The following MRC1 variants were observed in gnomAD, a reference collection of about 807,000 sequenced individuals.
MRC1 encodes macrophage mannose receptor 1.
Under a neutral mutation model 102.9 loss-of-function variants are expected in MRC1, and 62 were observed. That is an observed-to-expected ratio of 0.60 (90% confidence interval 0.49 to 0.74). The LOEUF (loss-of-function observed/expected upper bound fraction) is 0.74, where lower values mean the gene tolerates loss of function less well. MRC1 is among the 30% of genes least tolerant of loss of function. MRC1 has a pLI of 0.00. For synonymous variants in MRC1, 457 were observed against 298.4 expected (o/e 1.53, Z -5.48); for missense variants, 1,237 against 862.8 (o/e 1.43, Z -5.43).
At chr10:17,892,206 TC>T (rs1554843172) in intron 22 of MRC1, among the ~76,000 whole-genome samples, 1 of 152,174 alleles carries the variant, frequency 6.6e-6, no homozygotes, top group Admixed American at 6.5e-5. Flanking sequence ...GAAATTTTTC[TC>T]CAGTCTGCAC....
intron 8 of MRC1, chr10:17,854,735 C>A: frequency 4.3e-6 from 1 of 231,096 alleles, no homozygotes; most frequent in South Asian, 4.7e-5. Flanking sequence ...GCTGCCCAGG[C>A]TGGAGTGCAA....
At chr10:17,849,525 T>C (rs2130641679) in intron 6 of MRC1, 54 bp from the exon 7 acceptor site, 1 of 763,444 alleles carries the variant, frequency 1.3e-6, no homozygotes, top group Non-Finnish European at 2.4e-6. Flanking sequence ...AATATTGTTA[T>C]AGTTTTAATC....
At chr10:17,857,763 G>A (rs1286290768) in intron 9 of MRC1, among the ~76,000 whole-genome samples, 1 of 152,190 alleles carries the variant, frequency 6.6e-6, no homozygotes, top group African/African-American at 2.4e-5. Context: ...CCTGGGCTTT[G>A]GCATACAGTG....
chr10:17,906,550 G>A (rs1211857089), intron 26 of MRC1, among the ~76,000 whole-genome samples: 4 of 151,750 alleles, frequency 2.6e-5, no homozygotes, highest in South Asian at 2.1e-4. Context: ...ATAGCATATG[G>A]CACTTAATTT....
chr10:17,813,696 A>T (rs1554837613), intron 1 of MRC1, among the ~76,000 whole-genome samples: 1 of 102,668 alleles, frequency 9.7e-6, no homozygotes, highest in African/African-American at 3.7e-5. Context: ...ATATATATAT[A>T]TATATTTTTT....
At chr10:17,863,077 G>A (rs1355707149) in intron 10 of MRC1, 1 of 157,006 alleles carries the variant, frequency 6.4e-6, no homozygotes, top group East Asian at 1.9e-4. Flanking sequence ...AAATTGAGGG[G>A]GGAAATTCAT....
rs1838190800 is a variant in MRC1, at chr10:17,809,519, C to T, written c.54C>T (p.Leu18=). 1.1e-6 allele frequency: 1 copy of T among 872,698 alleles called. No homozygotes were observed. Among genetic ancestry groups the T allele is most frequent in the African/African-American group, 1.6e-5 (1 of 61,336 alleles). 54.1% of individuals were successfully genotyped at this position (872,698 alleles called of 1,614,324 possible). ...VFASVIPGAV[L]LLDTRQFLIY... ...CCTCTGTCATTCCGGGTGCTGTTCT[C>T]CTACTGGGTAAGTCTGCTCTGAGGC... The change falls in exon 1 of 30, where the codon CTC becomes CTT. Residue 18 remains leucine (L), a synonymous_variant. Coordinates refer to ENST00000569591, the MANE Select transcript of MRC1 (RefSeq NM_002438.4).
chr10:17,840,774 G>A lies in MRC1; in HGVS notation c.884G>A (p.Arg295His), dbSNP rs541361748. The change falls in exon 5 of 30, where the codon CGC becomes CAC. Residue 295 changes from arginine (R) to histidine (H), a missense_variant. Transcript: ENST00000569591. ...AACAGCGGTTGGCAGTGGAGTGACC[G>A]CAGTCCTTTCCGATATTTGAACTGG... ...SFNSGWQWSD[R>H]SPFRYLNWLP... 4.9e-4 allele frequency: 386 copies of A among 780,844 alleles called. 8 individuals are homozygous for A. Among genetic ancestry groups the A allele is most frequent in the South Asian group, 4.0e-3 (302 of 74,616 alleles). 48.4% of individuals were successfully genotyped at this position (780,844 alleles called of 1,614,324 possible).
At position 17,905,986 on chromosome 10, in the gene MRC1, G is replaced by C. The variant is rs997160378; in HGVS notation, c.3800-900G>C. 2.9e-3 allele frequency among the ~76,000 whole-genome samples: 437 copies of C among 152,270 alleles called. 4 individuals are homozygous for C. The highest frequency in any genetic ancestry group is 0.01 in the African/African-American group (416 of 41,560). ...AAAAGATATTAGTTATTATTAAAAA[G>C]CTAGAGATTTTTACTCTAAAATTTA... On this transcript the variant is annotated intron_variant, in intron 26 of 29. Transcript: ENST00000569591.
At chr10:17,881,449 G>A (rs1266072720) in intron 21 of MRC1, among the ~76,000 whole-genome samples, 2 of 152,152 alleles carry the variant, frequency 1.3e-5, no homozygotes, top group African/African-American at 4.8e-5. Flanking sequence ...ACAGCTTTGA[G>A]TGAAGGAGCT....
chr10:17,820,012 T>C (rs1838372222), intron 1 of MRC1, among the ~76,000 whole-genome samples: 3 of 152,198 alleles, frequency 2.0e-5, no homozygotes, highest in African/African-American at 7.2e-5. Flanking sequence ...TTTGGGGAAT[T>C]CCCCCTTTTT....
intron 2 of MRC1, among the ~76,000 whole-genome samples, chr10:17,825,166 T>A (rs1838454627): frequency 6.6e-6 from 1 of 152,162 alleles, no homozygotes; most frequent in Non-Finnish European, 1.5e-5. Context: ...ACATTAGAAC[T>A]GAAGACAGTG....
intron 1 of MRC1, among the ~76,000 whole-genome samples, chr10:17,820,606 G>A (rs1554838202): frequency 1.3e-5 from 2 of 152,012 alleles, no homozygotes; most frequent in African/African-American, 4.8e-5. Context: ...AAAGTATAAG[G>A]TGGAAGATAT....
chr10:17,824,330 T>C (rs1838441898), intron 2 of MRC1, among the ~76,000 whole-genome samples: 1 of 152,314 alleles, frequency 6.6e-6, no homozygotes, highest in Admixed American at 6.5e-5. Flanking sequence ...TGAAGTGTTA[T>C]CTAGAACAAC....
chr10:17,828,693 A>G (rs938663191), intron 3 of MRC1, among the ~76,000 whole-genome samples: 1 of 151,714 alleles, frequency 6.6e-6, no homozygotes, highest in Non-Finnish European at 1.5e-5. Flanking sequence ...ACAGCTAGAA[A>G]TCAATGGAAC....
intron 7 of MRC1, among the ~76,000 whole-genome samples, chr10:17,851,985 T>C (rs1326423599): frequency 6.6e-6 from 1 of 152,254 alleles, no homozygotes; most frequent in Non-Finnish European, 1.5e-5. Flanking sequence ...AATTTTATTA[T>C]ACCACTAAAT....
In MRC1 at chr10:17,886,642, T is replaced by C. The variant is rs912659037; in HGVS notation, c.3147+1207T>C. The stretch of plus-strand genomic sequence containing the variant: ...GCCTCCAACTCCTGACCTGAAGTGA[T>C]CCACCTACCTTGGCCTCCCAAAGTG... On this transcript the variant is annotated intron_variant, in intron 22 of 29. Transcript: ENST00000569591. Among the ~76,000 whole-genome samples the C allele has an allele frequency of 7.6e-3, 1,154 of 152,316 alleles. 8 individuals carry two copies. Among genetic ancestry groups the C allele is most frequent in the African/African-American group, 0.026 (1,094 of 41,568 alleles).
At chr10:17,885,535 C>A (rs1260136778) in intron 22 of MRC1, 100 bp downstream of exon 22, 2 of 735,282 alleles carry the variant, frequency 2.7e-6, no homozygotes, top group South Asian at 1.5e-5. Flanking sequence ...CCAGAATACT[C>A]CTTGATCTGT....
chr10:17,861,581 C>T (rs932855433), intron 10 of MRC1, 79 bp downstream of exon 10: 2 of 749,564 alleles, frequency 2.7e-6, no homozygotes, highest in Non-Finnish European at 4.9e-6. Flanking sequence ...TCAACATGCT[C>T]TAAATTTCTG....
Sources: gnomAD v4.1 joint callset for allele counts (sites outside exome capture counted in the v4.1 genomes callset) on GRCh38, gnomAD v4.1.1 for gene constraint, MANE v1.5 for transcripts, NCBI Gene and HGNC (gene_info 2026-07-23, HGNC 2026-07-21) for gene names.